PBX1: variants seen among roughly 807,000 people sequenced by gnomAD.
PBX1 encodes the protein pre-B-cell leukemia transcription factor 1.
In PBX1, 6 loss-of-function variants were observed where a neutral mutation model predicts 53.4. The ratio of observed to expected loss-of-function variants is 0.11; its 90% CI spans 0.06 to 0.22. The LOEUF (loss-of-function observed/expected upper bound fraction) is 0.22, where lower values mean the gene tolerates loss of function less well. PBX1 is among the 10% of genes least tolerant of loss of function. The probability of loss-of-function intolerance (pLI) is 1.00; values close to 1 mark genes in which losing one functional copy is unlikely to be tolerated. For missense variants in PBX1, 251 were observed against 551.4 expected (o/e 0.46, Z 5.46); for synonymous variants, 204 against 212.3 (o/e 0.96, Z 0.34).
chr1:164,772,033 A>T (rs1667401386), intron 2 of PBX1, among the ~76,000 whole-genome samples: 1 of 152,220 alleles, frequency 6.6e-6, no homozygotes, highest in East Asian at 1.9e-4. Context: ...ATCCTGCCCC[A>T]AGAATTCCAG....
At chr1:164,590,855 G>A (rs1655323741) in intron 2 of PBX1, among the ~76,000 whole-genome samples, 1 of 151,992 alleles carries the variant, frequency 6.6e-6, no homozygotes, top group Admixed American at 6.6e-5. Context: ...GTTTTTGTTT[G>A]TTTGTTTGAG....
chr1:164,671,639 A>G (rs1002136490), intron 2 of PBX1, among the ~76,000 whole-genome samples: 14 of 151,844 alleles, frequency 9.2e-5, no homozygotes, highest in Non-Finnish European at 1.8e-4. Flanking sequence ...TCTCCTCCTC[A>G]TAAGTCTAGG....
intron 2 of PBX1, among the ~76,000 whole-genome samples, chr1:164,706,970 G>A (rs1323425517): frequency 6.6e-6 from 1 of 152,194 alleles, no homozygotes; most frequent in East Asian, 1.9e-4. Flanking sequence ...GGAAGATTTA[G>A]GACCTGTGTT....
At position 164,736,079 on chromosome 1, in the gene PBX1, C is replaced by A. The variant is rs1320424632; in HGVS notation, c.266-56415C>A. The stretch of plus-strand genomic sequence containing the variant: ...CGTTGGGCTCAAAAGATGAGGCCAT[C>A]CTGGTTGCACTTGACTAGACAAAGC... On this transcript the variant is annotated intron_variant, in intron 2 of 8. Coordinates refer to ENST00000420696, the MANE Select transcript of PBX1 (RefSeq NM_002585.4). Among the ~76,000 whole-genome samples the A allele has an allele frequency of 2.0e-5, 3 of 152,136 alleles. No individual in the cohort carries two copies. In the East Asian group the frequency reaches 5.8e-4, roughly 29 times the overall value.
At position 164,850,703 on chromosome 1, in the gene PBX1, A is replaced by G. The variant is rs1443693497; in HGVS notation, c.*4027A>G. The G allele has an allele frequency of 5.1e-6, 1 of 195,994 alleles. No homozygotes were observed. Among genetic ancestry groups the G allele is most frequent in the Non-Finnish European group, 1.1e-5 (1 of 94,212 alleles). The allele number at this position is 195,994 out of a possible 1,614,324, so 12.1% of individuals were successfully genotyped here. On this transcript the variant is annotated 3_prime_UTR_variant, in exon 9 of 9. Coordinates refer to ENST00000420696, the MANE Select transcript of PBX1 (RefSeq NM_002585.4). ...TGTTGATGTCTCGTTGCTCACCTGC[A>G]TTTCCAGAGAGTGTGACACTCATGC... is the stretch of plus-strand genomic sequence containing the variant.
chr1:164,610,386 G>A (rs78619918), intron 2 of PBX1, among the ~76,000 whole-genome samples: 2,378 of 152,222 alleles, frequency 0.016, 64 homozygotes, highest in African/African-American at 0.053. Flanking sequence ...TTCTGCTTTA[G>A]TTGAGGGGGT....
chr1:164,715,113 G>T (rs999638716), intron 2 of PBX1, among the ~76,000 whole-genome samples: 1 of 151,958 alleles, frequency 6.6e-6, no homozygotes, highest in African/African-American at 2.4e-5. Flanking sequence ...ACACAGAGCT[G>T]CTCAATAAAT....
At chr1:164,563,129 G>C in intron 1 of PBX1, 109 bp from the exon 2 acceptor site, 1 of 685,496 alleles carries the variant, frequency 1.5e-6, no homozygotes, top group Admixed American at 2.3e-5. Context: ...ACAGAGTTAG[G>C]GTTGGGTATA....
In PBX1 at chr1:164,834,029, A is replaced by ATGTGTGTGTGTGTGTGTGTGTG. The variant is rs35739146; in HGVS notation, c.1200+12423_1200+12444dup. Among the ~76,000 whole-genome samples the ATGTGTGTGTGTGTGTGTGTGTG allele has an allele frequency of 3.4e-3, 440 of 128,266 alleles. 3 individuals are homozygous for ATGTGTGTGTGTGTGTGTGTGTG. The highest frequency in any genetic ancestry group is 8.5e-3 in the African/African-American group (288 of 34,076). 84.1% of individuals were successfully genotyped at this position (128,266 alleles called of 152,430 possible). A position where few individuals can be genotyped will look rare whatever the true frequency, so the allele number is the denominator to read the frequency against. On this transcript the variant is annotated intron_variant, in intron 8 of 8. Transcript: ENST00000420696. ...CCTGGATATGGGTATATATATGTATATGTGTGTGTGTGTGTGTGTGTGTGT... is the reference window on the plus strand; with the variant it reads ...CCTGGATATGGGTATATATATGTATATGTGTGTGTGTGTGTGTGTGTGTGTGTGTGTGTGTGTGTGTGTGTGT...
At chr1:164,671,634 TCC>T (rs1397099928) in intron 2 of PBX1, among the ~76,000 whole-genome samples, 2 of 152,064 alleles carry the variant, frequency 1.3e-5, no homozygotes, top group Non-Finnish European at 2.9e-5. Flanking sequence ...TGCTCTCTCC[TCC>T]TCATAAGTCT....
intron 2 of PBX1, among the ~76,000 whole-genome samples, chr1:164,789,684 G>T (rs1011804883): frequency 5.9e-5 from 9 of 152,204 alleles, no homozygotes; most frequent in Non-Finnish European, 1.2e-4. Flanking sequence ...ACCAGAGGTT[G>T]TCCTAAAATC....
At position 164,849,070 on chromosome 1, in the gene PBX1, T is replaced by C. The variant is rs1671703681; in HGVS notation, c.*2394T>C. On this transcript the variant is annotated 3_prime_UTR_variant, in exon 9 of 9. Coordinates refer to ENST00000420696, the MANE Select transcript of PBX1 (RefSeq NM_002585.4). Reference sequence around the variant, plus strand: ...GAGAACTCCATCTTAGTGGCAGGAATATAATGAAACTACCCACGCAAGAAC... The same window carrying C: ...GAGAACTCCATCTTAGTGGCAGGAACATAATGAAACTACCCACGCAAGAAC... The C allele has an allele frequency of 2.3e-6, 3 of 1,297,840 alleles. No homozygotes were observed. The South Asian group carries it at 6.0e-5, about 26-fold the overall frequency. 80.4% of individuals were successfully genotyped at this position (1,297,840 alleles called of 1,614,324 possible). A position where few individuals can be genotyped will look rare whatever the true frequency, so the allele number is the denominator to read the frequency against.
intron 5 of PBX1, among the ~76,000 whole-genome samples, chr1:164,809,858 C>T (rs1292834296): frequency 6.6e-6 from 1 of 152,180 alleles, no homozygotes; most frequent in Admixed American, 6.5e-5. Flanking sequence ...GTGTGATCCA[C>T]AGAATGCAGC....
intron 2 of PBX1, among the ~76,000 whole-genome samples, chr1:164,617,259 T>C (rs956762182): frequency 2.6e-5 from 4 of 152,204 alleles, no homozygotes; most frequent in Non-Finnish European, 4.4e-5. Context: ...CTGAGTTTCA[T>C]GGCCACAGAA....
rs781555102 is a variant in PBX1 at position 164,621,757 on chromosome 1, G to A, written c.265+58446G>A. Among the ~76,000 whole-genome samples the A allele has an allele frequency of 3.5e-4, 54 of 152,160 alleles. 1 individual carries two copies. The highest frequency in any genetic ancestry group is 2.4e-4 in the Non-Finnish European group (16 of 68,022). On this transcript the variant is annotated intron_variant, in intron 2 of 8. Transcript: ENST00000420696. ...GACATACCTGAACAGAAAGGTTTCT[G>A]TGGTTCCATAATGTAAGAGTTCCAA...
rs144730408 is a variant in PBX1, at chr1:164,850,860, A to C, written c.*4184A>C. 738 of 211,926 alleles carry C rather than the reference A, an allele frequency of 3.5e-3. 7 individuals are homozygous for C. Among genetic ancestry groups the C allele is most frequent in the Middle Eastern group, 0.017 (11 of 666 alleles). 13.1% of individuals were successfully genotyped at this position (211,926 alleles called of 1,614,324 possible). On this transcript the variant is annotated 3_prime_UTR_variant, in exon 9 of 9. Transcript: ENST00000420696. ...TGCTGTTTTTGATTCTGATTATCACAGCCAAGTACTTTGTTTTATTTCTCC... is the reference window on the plus strand; with the variant it reads ...TGCTGTTTTTGATTCTGATTATCACCGCCAAGTACTTTGTTTTATTTCTCC...
chr1:164,656,344 A>G (rs1312415298), intron 2 of PBX1, among the ~76,000 whole-genome samples: 1 of 152,228 alleles, frequency 6.6e-6, no homozygotes, highest in African/African-American at 2.4e-5. Flanking sequence ...CAAGTAAACA[A>G]TAATTCAGGA....
chr1:164,752,183 T>C lies in PBX1; in HGVS notation c.266-40311T>C, dbSNP rs193271202. On this transcript the variant is annotated intron_variant, in intron 2 of 8. Coordinates refer to ENST00000420696, the MANE Select transcript of PBX1 (RefSeq NM_002585.4). ...GCGGAGATGTCAAACAGTTAATGTG[T>C]CCATTTAGACCCCTTTAAGGTTTTG... Among the ~76,000 whole-genome samples, 1,021 of 150,648 alleles carry C rather than the reference T, an allele frequency of 6.8e-3. 12 individuals are homozygous for C. The highest frequency in any genetic ancestry group is 0.046 in the South Asian group (215 of 4,682).
chr1:164,849,725 C>T lies in PBX1; in HGVS notation c.*3049C>T. 3.6e-6 allele frequency: 1 copy of T among 274,588 alleles called. No homozygotes were observed. Among genetic ancestry groups the T allele is most frequent in the Non-Finnish European group, 6.9e-6 (1 of 145,242 alleles). The allele number at this position is 274,588 out of a possible 1,614,324, so 17.0% of individuals were successfully genotyped here. On this transcript the variant is annotated 3_prime_UTR_variant, in exon 9 of 9. Coordinates refer to ENST00000420696, the MANE Select transcript of PBX1 (RefSeq NM_002585.4). ...CGTGCAGTACATTTGCCAAGTGGCA[C>T]CTTCTTTCAATTTATGTTTTATTTT...
Sources: allele counts gnomAD v4.1 joint callset (sites outside exome capture counted in the v4.1 genomes callset), GRCh38; gene constraint gnomAD v4.1.1; transcripts MANE v1.5; gene names NCBI Gene and HGNC (gene_info 2026-07-23, HGNC 2026-07-21).